The following ACOXL variants were observed in gnomAD, a reference collection of about 807,000 sequenced individuals.
The protein encoded by ACOXL is acyl-coenzyme A oxidase-like protein.
Under a neutral mutation model 71.9 loss-of-function variants are expected in ACOXL, and 70 were observed. The ratio of observed to expected loss-of-function variants is 0.97; its 90% confidence interval spans 0.80 to 1.19. The LOEUF (loss-of-function observed/expected upper bound fraction) is 1.19. ACOXL is among the 50% of genes most tolerant of loss of function. The pLI, the probability that ACOXL is intolerant of heterozygous loss-of-function variation, is 0.00. For synonymous variants in ACOXL, 253 were observed against 281.6 expected (o/e 0.90, Z 1.02); for missense variants, 703 against 736.3 (o/e 0.95, Z 0.52).
intron 12 of ACOXL, among the ~76,000 whole-genome samples, chr2:110,953,435 G>C (rs1485553412): frequency 6.6e-6 from 1 of 152,008 alleles, no homozygotes; most frequent in Non-Finnish European, 1.5e-5. Context: ...TCTAGAGGCT[G>C]GTCAGTTTCC....
In ACOXL at chr2:111,097,069, G is replaced by A. The variant is rs190753169; in HGVS notation, c.1542+4103G>A. 4.7e-4 allele frequency among the ~76,000 whole-genome samples: 72 copies of A among 152,224 alleles called. No individual in the cohort carries two copies. The Middle Eastern group carries it at 0.014, about 29-fold the overall frequency. ...GTGAAAATTCAGATTTTCTGGAAAT[G>A]GCAAACACCTTCAGGGAAAATGCAA... On this transcript the variant is annotated intron_variant, in intron 17 of 17. Coordinates refer to ENST00000439055, the MANE Select transcript of ACOXL (RefSeq NM_001142807.4).
chr2:111,114,624 G>T (rs555848300), intron 17 of ACOXL, among the ~76,000 whole-genome samples: 1 of 152,062 alleles, frequency 6.6e-6, no homozygotes, highest in African/African-American at 2.4e-5. Context: ...GAATAGCTGG[G>T]GTGTCCCTCC....
intron 12 of ACOXL, among the ~76,000 whole-genome samples, chr2:110,945,922 G>C (rs1036738427): frequency 1.3e-5 from 2 of 151,980 alleles, no homozygotes; most frequent in African/African-American, 2.4e-5. Flanking sequence ...CGTTGAATCT[G>C]TAAATTGCTT....
In ACOXL at chr2:111,117,852, C is replaced by T; in HGVS notation, c.*36C>T. 2.6e-6 allele frequency: 4 copies of T among 1,531,348 alleles called. No homozygotes were observed. The highest frequency in any genetic ancestry group is 2.6e-6 in the Non-Finnish European group (3 of 1,139,822). 94.9% of individuals were successfully genotyped at this position (1,531,348 alleles called of 1,614,324 possible). A position where few individuals can be genotyped will look rare whatever the true frequency, so the allele number is the denominator to read the frequency against. ...GGGAAGTGTGGTGGCCCGCCAGCAG[C>T]TGCCACGACGCTCGCTCCACCGACG... On this transcript the variant is annotated 3_prime_UTR_variant, in exon 18 of 18. Transcript: ENST00000439055.
chr2:110,886,462 C>T (rs1697311122), intron 10 of ACOXL, among the ~76,000 whole-genome samples: 2 of 151,360 alleles, frequency 1.3e-5, no homozygotes, highest in Admixed American at 1.3e-4. Context: ...CTGCAGCCTC[C>T]ACATCCTGGG....
chr2:111,063,059 A>G (rs990752807), intron 16 of ACOXL, among the ~76,000 whole-genome samples: 5 of 152,186 alleles, frequency 3.3e-5, no homozygotes, highest in African/African-American at 9.6e-5. Context: ...ATAGACTATT[A>G]TTCGAAAACA....
At chr2:110,965,330 G>T (rs2061878466) in intron 12 of ACOXL, among the ~76,000 whole-genome samples, 1 of 152,064 alleles carries the variant, frequency 6.6e-6, no homozygotes, top group Non-Finnish European at 1.5e-5. Flanking sequence ...TTTTTCCTTT[G>T]GATAAATACC....
intron 9 of ACOXL, among the ~76,000 whole-genome samples, chr2:110,818,640 G>C (rs1316407528): frequency 6.6e-6 from 1 of 151,804 alleles, no homozygotes; most frequent in Non-Finnish European, 1.5e-5. Flanking sequence ...CGGGGGATGG[G>C]GGAGATTTAG....
intron 3 of ACOXL, among the ~76,000 whole-genome samples, chr2:110,787,954 C>T (rs189250942): frequency 1.3e-5 from 2 of 152,334 alleles, no homozygotes; most frequent in Admixed American, 6.5e-5. Context: ...CATGGAATTA[C>T]TTTATGTCTC....
chr2:111,098,667 A>T (rs1425565116), intron 17 of ACOXL: 2 of 152,178 alleles, frequency 1.3e-5, no homozygotes, highest in Non-Finnish European at 2.9e-5. Context: ...TTTTACAATG[A>T]GCCATAGTTA....
intron 16 of ACOXL, among the ~76,000 whole-genome samples, chr2:111,077,369 A>T (rs1214988413): frequency 6.6e-6 from 1 of 152,306 alleles, no homozygotes; most frequent in South Asian, 2.1e-4. Flanking sequence ...TGTCATATGC[A>T]TCTTATCAGT....
intron 17 of ACOXL, chr2:111,093,538 A>G: frequency 6.2e-7 from 1 of 1,613,806 alleles, no homozygotes; most frequent in South Asian, 1.1e-5. Context: ...ACATGAAGGG[A>G]GCTCATATCC....
intron 14 of ACOXL, chr2:111,018,096 AT>A (rs1434926639): frequency 6.6e-6 from 1 of 152,178 alleles, no homozygotes; most frequent in Non-Finnish European, 1.5e-5. Context: ...AAACATTTTT[AT>A]TTTTGCTGAC....
In ACOXL at chr2:111,025,164, T is replaced by C. The variant is rs1303639552; in HGVS notation, c.1282-6463T>C. 2.0e-5 allele frequency among the ~76,000 whole-genome samples: 3 copies of C among 152,204 alleles called. No homozygotes were observed. In the East Asian group the frequency reaches 5.8e-4, roughly 29 times the overall value. On this transcript the variant is annotated intron_variant, in intron 14 of 17. Coordinates refer to ENST00000439055, the MANE Select transcript of ACOXL (RefSeq NM_001142807.4). ...TAATAGAAATGGAACAGCTTAGGTT[T>C]GTTCCTCTTTATTGTGAAGTGGTAT...
At chr2:110,875,599 C>T (rs770565492) in intron 10 of ACOXL, among the ~76,000 whole-genome samples, 2 of 152,096 alleles carry the variant, frequency 1.3e-5, no homozygotes, top group Non-Finnish European at 2.9e-5. Flanking sequence ...TTTTCTGGCT[C>T]GTCTCCTCTG....
At chr2:111,044,321 A>G (rs879044835) in intron 15 of ACOXL, among the ~76,000 whole-genome samples, 1 of 152,258 alleles carries the variant, frequency 6.6e-6, no homozygotes, top group Admixed American at 6.5e-5. Flanking sequence ...GTTCCCCAGT[A>G]GCAACACATC....
At chr2:110,740,428 T>TGCA (rs1677374573) in intron 1 of ACOXL, among the ~76,000 whole-genome samples, 1 of 152,210 alleles carries the variant, frequency 6.6e-6, no homozygotes, top group Non-Finnish European at 1.5e-5. Flanking sequence ...CAGGAGCTTC[T>TGCA]GCAGCACATG....
intron 1 of ACOXL, among the ~76,000 whole-genome samples, chr2:110,767,723 A>G (rs1041128253): frequency 6.6e-6 from 1 of 152,062 alleles, no homozygotes; most frequent in African/African-American, 2.4e-5. Flanking sequence ...TATCTCCCAA[A>G]TGCTGCTTTT....
At chr2:111,116,631 G>T (rs2070373365) in intron 17 of ACOXL, among the ~76,000 whole-genome samples, 1 of 152,116 alleles carries the variant, frequency 6.6e-6, no homozygotes, top group African/African-American at 2.4e-5. Flanking sequence ...TGTTAAACCT[G>T]TAAAAATAAA....
Sources: gnomAD v4.1 joint callset for allele counts (sites outside exome capture counted in the v4.1 genomes callset) on GRCh38, gnomAD v4.1.1 for gene constraint, MANE v1.5 for transcripts, NCBI Gene and HGNC (gene_info 2026-07-23, HGNC 2026-07-21) for gene names.